SCAMP1: variants seen among roughly 807,000 people sequenced by gnomAD.
The protein encoded by SCAMP1 is secretory carrier membrane protein 1, also known as secretory carrier-associated membrane protein 1.
In SCAMP1, 15 loss-of-function variants were observed where a neutral mutation model predicts 41.8. That is an observed-to-expected ratio of 0.36 (90% CI 0.24 to 0.55). SCAMP1 has a LOEUF of 0.55. Ranked by LOEUF, SCAMP1 falls within the 20% of genes least tolerant of loss-of-function variation. The pLI is 0.86. For synonymous variants in SCAMP1, 135 were observed against 136.8 expected, an observed-to-expected ratio of 0.99 and a Z score of 0.09; for missense variants, 341 against 412.6, an observed-to-expected ratio of 0.83 and a Z score of 1.50.
intron 2 of SCAMP1, among the ~76,000 whole-genome samples, chr5:78,391,259 G>T (rs1283176992): frequency 6.6e-6 from 1 of 150,542 alleles, no homozygotes; most frequent in Admixed American, 6.6e-5. Context: ...CCTCCCGGAC[G>T]GGGCAGCTGG....
At position 78,450,125 on chromosome 5, in the gene SCAMP1, A is replaced by T. The variant is rs1002560200; in HGVS notation, c.734+91A>T. On this transcript the variant is annotated intron_variant, in intron 7 of 8. Transcript: ENST00000621999. ...AATCTAGTTAACACAGATAAACCAG[A>T]TTAGAAAAATTAAATAAAAAGCAAA... The T allele has an allele frequency of 4.8e-5, 33 of 684,226 alleles. No homozygotes were observed. The African/African-American group carries it at 5.3e-4, about 11-fold the overall frequency. 42.4% of individuals were successfully genotyped at this position (684,226 alleles called of 1,614,324 possible).
At chr5:78,460,329 A>G (rs2112232737) in intron 8 of SCAMP1, among the ~76,000 whole-genome samples, 1 of 152,330 alleles carries the variant, frequency 6.6e-6, no homozygotes, top group Non-Finnish European at 1.5e-5. Context: ...AGAAATCTCC[A>G]TACTGTTTTC....
chr5:78,416,505 T>C, intron 3 of SCAMP1, 36 bp from the exon 4 acceptor site: 5 of 1,452,400 alleles, frequency 3.4e-6, no homozygotes, highest in South Asian at 1.3e-5. Context: ...TTTATACTTC[T>C]GACAGTCTAT....
chr5:78,406,536 G>A (rs6453383), intron 2 of SCAMP1, among the ~76,000 whole-genome samples: 144,879 of 152,244 alleles, frequency 0.95, 69,145 homozygotes, highest in Non-Finnish European at 0.97. Flanking sequence ...TTGGGTAGTC[G>A]TTTATTTAAA....
At position 78,393,147 on chromosome 5, in the gene SCAMP1, G is replaced by A. The variant is rs141063185; in HGVS notation, c.135+4233G>A. Among the ~76,000 whole-genome samples the A allele has an allele frequency of 1.5e-3, 226 of 152,176 alleles. 2 individuals carry two copies. Among genetic ancestry groups the A allele is most frequent in the East Asian group, 0.012 (61 of 5,184 alleles). ...GGAAACCTTAAGTTATTTAAGGAAG[G>A]CTACAGTATGGAAATCTTGAGTAAT... On this transcript the variant is annotated intron_variant, in intron 2 of 8. Coordinates refer to ENST00000621999, the MANE Select transcript of SCAMP1 (RefSeq NM_004866.6).
chr5:78,407,450 T>G (rs755535477), intron 2 of SCAMP1, among the ~76,000 whole-genome samples: 3 of 151,382 alleles, frequency 2.0e-5, no homozygotes, highest in Non-Finnish European at 4.4e-5. Flanking sequence ...GGTTTATAGG[T>G]GACCTTCCTT....
chr5:78,416,226 C>T (rs1752205524), intron 3 of SCAMP1, among the ~76,000 whole-genome samples: 1 of 152,132 alleles, frequency 6.6e-6, no homozygotes, highest in South Asian at 2.1e-4. Context: ...CTCTGTTCTT[C>T]ACTCATTTAG....
chr5:78,389,331 T>G (rs1242199451), intron 2 of SCAMP1, among the ~76,000 whole-genome samples: 2 of 152,202 alleles, frequency 1.3e-5, no homozygotes, highest in Non-Finnish European at 2.9e-5. Flanking sequence ...ATTAGATTAT[T>G]CTGAATAGTA....
At chr5:78,404,874 T>C (rs1247764001) in intron 2 of SCAMP1, among the ~76,000 whole-genome samples, 2 of 152,184 alleles carry the variant, frequency 1.3e-5, no homozygotes, top group African/African-American at 2.4e-5. Context: ...TTCCTGGAGA[T>C]AAAACAAAAG....
rs141989832 is a variant in SCAMP1, at chr5:78,469,890, TAA to T, written c.853-5593_853-5592del. Among the ~76,000 whole-genome samples the T allele has an allele frequency of 2.7e-4, 4 of 15,024 alleles. No homozygotes were observed. In the East Asian group the frequency reaches 7.4e-3, roughly 28 times the overall value. 9.9% of individuals were successfully genotyped at this position (15,024 alleles called of 152,430 possible). On this transcript the variant is annotated intron_variant, in intron 8 of 8. Coordinates refer to ENST00000621999, the MANE Select transcript of SCAMP1 (RefSeq NM_004866.6). ...TACCCTCCAACCCCTTACAAGACAT[TAA>T]AAAAAAAAAAAAAAAAAAAACAAAA...
intron 1 of SCAMP1, among the ~76,000 whole-genome samples, chr5:78,378,932 C>T (rs1044244235): frequency 8.5e-5 from 13 of 152,284 alleles, no homozygotes; most frequent in African/African-American, 2.9e-4. Flanking sequence ...TTCAGAGTGA[C>T]GCTCAGCAAT....
chr5:78,438,614 G>C lies in SCAMP1; in HGVS notation c.633-11319G>C, dbSNP rs544902322. Among the ~76,000 whole-genome samples, 5 of 152,300 alleles carry C rather than the reference G, an allele frequency of 3.3e-5. No individual in the cohort carries two copies. The East Asian group carries it at 7.7e-4, about 23-fold the overall frequency. ...TGATTTCTGTTCTTTTACATTTGCTGAGGAGTGCTTTACTTCCAATTCTGT... is the reference window on the plus strand; with the variant it reads ...TGATTTCTGTTCTTTTACATTTGCTCAGGAGTGCTTTACTTCCAATTCTGT... On this transcript the variant is annotated intron_variant, in intron 6 of 8. Coordinates refer to ENST00000621999, the MANE Select transcript of SCAMP1 (RefSeq NM_004866.6).
chr5:78,423,430 A>G (rs901383430), intron 6 of SCAMP1, among the ~76,000 whole-genome samples: 1 of 151,678 alleles, frequency 6.6e-6, no homozygotes, highest in Non-Finnish European at 1.5e-5. Flanking sequence ...GTTTTTTGTT[A>G]GTTTGTTTTG....
chr5:78,379,213 A>G (rs1751138765), intron 1 of SCAMP1, among the ~76,000 whole-genome samples: 1 of 152,224 alleles, frequency 6.6e-6, no homozygotes, highest in African/African-American at 2.4e-5. Flanking sequence ...TCTGAAAAAT[A>G]GAATGATACA....
intron 1 of SCAMP1, among the ~76,000 whole-genome samples, chr5:78,365,162 A>G (rs1750762097): frequency 6.6e-6 from 1 of 152,170 alleles, no homozygotes; most frequent in Admixed American, 6.5e-5. Flanking sequence ...AATATTTAGT[A>G]TTAATAGTAA....
chr5:78,407,903 C>T (rs1751973657), intron 2 of SCAMP1, among the ~76,000 whole-genome samples: 1 of 152,156 alleles, frequency 6.6e-6, no homozygotes, highest in African/African-American at 2.4e-5. Context: ...TTGTATTACC[C>T]TCTTAATTCT....
chr5:78,429,364 ATT>A (rs35131102), intron 6 of SCAMP1, among the ~76,000 whole-genome samples: 1 of 136,510 alleles, frequency 7.3e-6, no homozygotes, highest in African/African-American at 2.7e-5. Context: ...TTTTTTTTTA[ATT>A]TTTTTTTATC....
rs1052714523 is a variant in SCAMP1, at chr5:78,480,025, G to T, written c.*4357G>T. ...CTCTCCACTGCACTCCAGCCTGGGC[G>T]ACAGAGCGAGACTCCATCTCAAGAA... is the stretch of plus-strand genomic sequence containing the variant. On this transcript the variant is annotated 3_prime_UTR_variant, in exon 9 of 9. Transcript: ENST00000621999. 3.3e-5 allele frequency among the ~76,000 whole-genome samples: 5 copies of T among 150,408 alleles called. No homozygotes were observed. The South Asian group carries it at 1.0e-3, about 32-fold the overall frequency.
intron 1 of SCAMP1, among the ~76,000 whole-genome samples, chr5:78,362,555 T>C (rs964628696): frequency 2.0e-5 from 3 of 152,246 alleles, no homozygotes; most frequent in Admixed American, 1.3e-4. Context: ...TATAAGTGGA[T>C]GTATCCAGGA....
Sources: gnomAD v4.1 joint callset for allele counts (sites outside exome capture counted in the v4.1 genomes callset) on GRCh38, gnomAD v4.1.1 for gene constraint, MANE v1.5 for transcripts, NCBI Gene and HGNC (gene_info 2026-07-23, HGNC 2026-07-21) for gene names.